PES1: variants seen among roughly 807,000 people sequenced by gnomAD.
PES1 encodes pescadillo ribosomal biogenesis factor 1, also known as pescadillo homolog.
Under a neutral mutation model 77.1 loss-of-function variants are expected in PES1, and 31 were observed. The observed-to-expected ratio is 0.40, with a 90% CI of 0.30 to 0.54. The LOEUF (loss-of-function observed/expected upper bound fraction) is 0.54, where lower values mean the gene tolerates loss of function less well. Ranked by LOEUF, PES1 falls within the 20% of genes least tolerant of loss-of-function variation. The probability of loss-of-function intolerance (pLI) is 0.45; values close to 1 mark genes in which losing one functional copy is unlikely to be tolerated. For missense variants in PES1, 658 were observed against 771.7 expected (o/e 0.85, Z 1.75); for synonymous variants, 282 against 303.0 (o/e 0.93, Z 0.72).
intron 2 of PES1, among the ~76,000 whole-genome samples, chr22:30,599,275 A>T (rs150381553): frequency 6.9e-6 from 1 of 144,428 alleles, no homozygotes; most frequent in Non-Finnish European, 1.5e-5. Context: ...AATTGTTAAC[A>T]TACATTTTTG....
At chr22:30,584,976 A>G (rs2087054512) in intron 4 of PES1, among the ~76,000 whole-genome samples, 1 of 152,044 alleles carries the variant, frequency 6.6e-6, no homozygotes, top group Non-Finnish European at 1.5e-5. Context: ...CTCACCAAAG[A>G]CCCAGCCTTG....
chr22:30,592,430 C>A, upstream of PES1: 1 of 985,224 alleles, frequency 1.0e-6, no homozygotes, highest in Non-Finnish European at 1.2e-6. Context: ...CATTTTTCCT[C>A]GCGGAGGTAT....
chr22:30,587,776 C>T (rs2087114559), intron 3 of PES1, among the ~76,000 whole-genome samples: 1 of 152,216 alleles, frequency 6.6e-6, no homozygotes, highest in African/African-American at 2.4e-5. Context: ...ACTATATCAG[C>T]ATGAAACAAG....
In PES1 at chr22:30,581,151, G is replaced by A. The variant is rs1225188886; in HGVS notation, c.823-50C>T. 3.4e-6 allele frequency: 5 copies of A among 1,491,768 alleles called. 1 individual carries two copies. The African/African-American group carries it at 5.5e-5, about 16-fold the overall frequency. The allele number at this position is 1,491,768 out of a possible 1,614,324, so 92.4% of individuals were successfully genotyped here. ...GCAGTGGGGGACCTCATGCGGGCAT[G>A]TGGCCAGGGTGGGGAGGGGCAGCAG... On this transcript the variant is annotated intron_variant, in intron 8 of 14. Transcript: ENST00000354694.
In PES1 at chr22:30,579,230, T is replaced by C. The variant is rs1004323484; in HGVS notation, c.1428A>G (p.Glu476=). The C allele has an allele frequency of 2.2e-5, 35 of 1,605,204 alleles. No individual in the cohort carries two copies. The Admixed American group carries it at 4.8e-4, about 22-fold the overall frequency. Residue 476 remains glutamate, a synonymous_variant, in exon 13 of 15, where the codon GAA becomes GAG. Transcript: ENST00000354694. ...NNEGDGDEEG[E]NEEEEEDAEA... ...CTGCATCTTCCTCCTCCTCCTCATT[T>C]TCTCCCTCTTCATCACCATCACCTT...
rs147465498 is a variant in PES1 at position 30,579,821 on chromosome 22, G to T, written c.1284C>A (p.Thr428=). ...GTGGAACGTAATCTCCTTCCTTCTC[G>T]GTCACAAAGGGTGAAAGGTGTGGGG... ...QLPPHLSPFV[T]EKEGDYVPPE... Residue 428 remains threonine, a synonymous_variant, in exon 12 of 15, where the codon ACC becomes ACA. Transcript: ENST00000354694. The T allele has an allele frequency of 1.2e-6, 2 of 1,614,042 alleles. No individual in the cohort carries two copies. Among genetic ancestry groups the T allele is most frequent in the Non-Finnish European group, 1.7e-6 (2 of 1,180,030 alleles).
chr22:30,584,113 T>C (rs1045463630), intron 6 of PES1: 3 of 535,698 alleles, frequency 5.6e-6, no homozygotes, highest in Non-Finnish European at 1.0e-5. Flanking sequence ...TAGACACTGT[T>C]AACTGAGGCA....
chr22:30,587,807 C>A (rs919950253), intron 3 of PES1, among the ~76,000 whole-genome samples: 1 of 152,238 alleles, frequency 6.6e-6, no homozygotes, highest in Non-Finnish European at 1.5e-5. Flanking sequence ...GTGTGTGACA[C>A]TGAGACACCC....
At position 30,578,921 on chromosome 22, in the gene PES1, C is replaced by G; in HGVS notation, c.1599G>C (p.Lys533Asn). 1 of 1,613,684 alleles carries G rather than the reference C, an allele frequency of 6.2e-7. No individual in the cohort carries two copies. The highest frequency in any genetic ancestry group is 8.5e-7 in the Non-Finnish European group (1 of 1,180,022). Residue 533 changes from lysine (K) to asparagine (N), a missense_variant, in exon 14 of 15, where the codon AAG (lysine) becomes AAC (asparagine). Coordinates refer to ENST00000354694, the MANE Select transcript of PES1 (RefSeq NM_014303.4). The stretch of plus-strand genomic sequence containing the variant: ...TCTTCATCATCATAATGGCCAGGCG[C>G]TTGGCCTCACTCTCCTCCTCCTGGG... ...RLAQEEESEA[K>N]RLAIMMMKKR...
upstream of PES1, chr22:30,591,930 C>A: frequency 2.7e-6 from 4 of 1,467,218 alleles, no homozygotes; most frequent in South Asian, 2.7e-5. Context: ...CCTCCCCACC[C>A]CACGCTGTCT....
intron 2 of PES1, among the ~76,000 whole-genome samples, chr22:30,602,150 A>G (rs1186812703): frequency 2.0e-5 from 3 of 151,696 alleles, no homozygotes; most frequent in Admixed American, 2.0e-4. Context: ...TGTAATTTCC[A>G]CTTGAGGGAG....
At chr22:30,590,375 C>G (rs545917732) in intron 1 of PES1, among the ~76,000 whole-genome samples, 1 of 152,314 alleles carries the variant, frequency 6.6e-6, no homozygotes, top group South Asian at 2.1e-4. Flanking sequence ...TGGCTAGGTT[C>G]AGCTCTAAAG....
Position 30,578,218 on chromosome 22 carries a change from T to G in PES1, c.1683+619A>C, listed in dbSNP as rs138246533. 6.5e-3 allele frequency among the ~76,000 whole-genome samples: 997 copies of G among 152,228 alleles called. 10 individuals are homozygous for G. Among genetic ancestry groups the G allele is most frequent in the South Asian group, 0.025 (120 of 4,816 alleles). On this transcript the variant is annotated intron_variant, in intron 14 of 14. Transcript: ENST00000354694. The stretch of plus-strand genomic sequence containing the variant: ...GATTGCTTGAACCTGTGAGACACAG[T>G]TTGCAGTGAGCAGAGATTGCTCCAC...
At chr22:30,601,735 C>T (rs185974855) in intron 2 of PES1, 3 of 151,652 alleles carry the variant, frequency 2.0e-5, no homozygotes, top group Non-Finnish European at 4.4e-5. Flanking sequence ...GATACCTTGG[C>T]TGCTTCCGGT....
intron 2 of PES1, among the ~76,000 whole-genome samples, chr22:30,601,497 C>T (rs763430159): frequency 8.6e-5 from 13 of 150,538 alleles, no homozygotes; most frequent in African/African-American, 3.0e-4. Context: ...ATTTTTAATA[C>T]AGACAGGGTT....
Position 30,601,108 on chromosome 22 carries a change from A to G in PES1, c.-661+4353T>C, listed in dbSNP as rs5753224. On this transcript the variant is annotated intron_variant, in intron 2 of 16. Coordinates refer to the PES1 transcript ENST00000402281. Reference sequence around the variant, plus strand: ...TTTCTTTTCTGACCTCGAGTTATATATCATCACTTCTGCATTCTGCTACTG... The same window carrying G: ...TTTCTTTTCTGACCTCGAGTTATATGTCATCACTTCTGCATTCTGCTACTG... Among the ~76,000 whole-genome samples, 180 of 152,234 alleles carry G rather than the reference A, an allele frequency of 1.2e-3. 4 individuals carry two copies. In the East Asian group the frequency reaches 0.03, roughly 25 times the overall value.
intron 4 of PES1, chr22:30,585,347 C>T (rs2087065330): frequency 2.1e-6 from 1 of 471,292 alleles, no homozygotes; most frequent in Admixed American, 2.3e-5. Context: ...AAGGATGAGC[C>T]ACCCTGGGCA....
In PES1 at chr22:30,580,649, T is replaced by C. The variant is rs760414430; in HGVS notation, c.965A>G (p.Lys322Arg). Residue 322 changes from lysine to arginine, a missense_variant, in exon 10 of 15, where the codon AAG becomes AGG. Lys to Arg is a conservative substitution (Grantham distance 26). Coordinates refer to ENST00000354694, the MANE Select transcript of PES1 (RefSeq NM_014303.4). ...DRRKELEAQE[K>R]HKKLFEGLKF... is the part of the protein sequence containing the mutation. ...CAGGCCCTCAAAAAGCTTCTTGTGCTTCTCCTGCGCCTCCAGCTCCTTCCT... is the reference window on the plus strand; with the variant it reads ...CAGGCCCTCAAAAAGCTTCTTGTGCCTCTCCTGCGCCTCCAGCTCCTTCCT... The C allele has an allele frequency of 1.2e-6, 2 of 1,613,544 alleles. No individual in the cohort carries two copies. Among genetic ancestry groups the C allele is most frequent in the East Asian group, 2.2e-5 (1 of 44,880 alleles).
chr22:30,605,714 C>T (rs1356902920), intron 1 of PES1, among the ~76,000 whole-genome samples: 1 of 152,170 alleles, frequency 6.6e-6, no homozygotes, highest in East Asian at 1.9e-4. Context: ...AGGGGTGCTC[C>T]TCCTAGTGGC....
Sources: allele counts gnomAD v4.1 joint callset (sites outside exome capture counted in the v4.1 genomes callset), GRCh38; gene constraint gnomAD v4.1.1; transcripts MANE v1.5; gene names NCBI Gene and HGNC (gene_info 2026-07-23, HGNC 2026-07-21).